CSNK1G1: variants seen among roughly 807,000 people sequenced by gnomAD.
CSNK1G1 encodes the protein casein kinase I isoform gamma-1.
Under a neutral mutation model 59.6 loss-of-function variants are expected in CSNK1G1, and 22 were observed. The observed-to-expected ratio is 0.37, with a 90% CI of 0.26 to 0.53. CSNK1G1 has a LOEUF of 0.53. CSNK1G1 is among the 20% of genes least tolerant of loss of function. The pLI is 0.89. For synonymous variants in CSNK1G1, 179 were observed against 177.1 expected, an observed-to-expected ratio of 1.01 and a Z score of -0.08; for missense variants, 384 against 519.5, an observed-to-expected ratio of 0.74 and a Z score of 2.54.
At chr15:64,172,064 C>CAT (rs913030177) in intron 11 of CSNK1G1, 79 bp from the exon 12 acceptor site, 12 of 1,370,594 alleles carry the variant, frequency 8.8e-6, no homozygotes, top group Non-Finnish European at 1.2e-5. Flanking sequence ...CTGCTTACTG[C>CAT]AGGGGTGGAA....
chr15:64,323,893 T>C (rs896799425), intron 1 of CSNK1G1, among the ~76,000 whole-genome samples: 7 of 152,208 alleles, frequency 4.6e-5, no homozygotes, highest in African/African-American at 1.4e-4. Context: ...ACATGTCACA[T>C]TGTAGAACAG....
intron 4 of CSNK1G1, among the ~76,000 whole-genome samples, chr15:64,230,145 A>ACGGT (rs2082527100): frequency 6.6e-6 from 1 of 151,158 alleles, no homozygotes; most frequent in South Asian, 2.1e-4. Context: ...AGATCACCTG[A>ACGGT]CGCGCTGGGC....
chr15:64,259,316 G>T, intron 2 of CSNK1G1, 75 bp from the exon 3 acceptor site: 1 of 1,041,590 alleles, frequency 9.6e-7, no homozygotes, highest in Non-Finnish European at 1.4e-6. Context: ...TTAGCTTACA[G>T]GGTCATGAGA....
chr15:64,260,060 A>C (rs1249417550), intron 2 of CSNK1G1, among the ~76,000 whole-genome samples: 2 of 152,144 alleles, frequency 1.3e-5, no homozygotes, highest in African/African-American at 4.8e-5. Context: ...CCCCATCCTC[A>C]CTAATCCTTG....
chr15:64,287,227 C>T (rs925051211), intron 2 of CSNK1G1, among the ~76,000 whole-genome samples: 1 of 152,108 alleles, frequency 6.6e-6, no homozygotes. Flanking sequence ...TTTAATTTCT[C>T]TCATCTTTAA....
At chr15:64,309,312 ACACACACAC>A (rs1250573966) in intron 1 of CSNK1G1, among the ~76,000 whole-genome samples, 7 of 3,334 alleles carry the variant, frequency 2.1e-3, no homozygotes, top group Non-Finnish European at 9.0e-3. Flanking sequence ...TGAATAAAAC[ACACACACAC>A]ACACACACAC....
At chr15:64,268,523 T>C (rs4008) in intron 2 of CSNK1G1, among the ~76,000 whole-genome samples, 34,000 of 152,218 alleles carry the variant, frequency 0.22, 5,635 homozygotes, top group East Asian at 0.8. Context: ...AGAGTTTGCA[T>C]GTTCTCCTCA....
intron 10 of CSNK1G1, among the ~76,000 whole-genome samples, chr15:64,192,544 T>A (rs894660098): frequency 6.6e-6 from 1 of 151,844 alleles, no homozygotes; most frequent in Non-Finnish European, 1.5e-5. Flanking sequence ...GGGAAAAAAA[T>A]CTCTCCCAGC....
rs1471784352 is a variant in CSNK1G1 at position 64,286,355 on chromosome 15, AACATGTTATTGTTAACAATATT to A, written c.181+13942_181+13963del. Among the ~76,000 whole-genome samples the A allele has an allele frequency of 1.5e-3, 225 of 152,028 alleles. 1 individual carries two copies. Among genetic ancestry groups the A allele is most frequent in the African/African-American group, 5.3e-3 (219 of 41,430 alleles). On this transcript the variant is annotated intron_variant, in intron 2 of 11. Coordinates refer to ENST00000303052, the MANE Select transcript of CSNK1G1 (RefSeq NM_022048.5). Reference sequence around the variant, plus strand: ...ACATGTTATTGTTAACAATATTGTTAACATGTTATTGTTAACAATATTGTTAACAATATATTGTTAACTCATA... The same window carrying A: ...ACATGTTATTGTTAACAATATTGTTAGTTAACAATATATTGTTAACTCATA...
At chr15:64,218,852 GTTTTT>G (rs11364699) in intron 4 of CSNK1G1, among the ~76,000 whole-genome samples, 1 of 114,098 alleles carries the variant, frequency 8.8e-6, no homozygotes. Context: ...AATTTGAAGT[GTTTTT>G]TTTTTTTTTT....
intron 1 of CSNK1G1, among the ~76,000 whole-genome samples, chr15:64,323,555 G>A (rs945235851): frequency 5.9e-5 from 9 of 151,932 alleles, no homozygotes; most frequent in African/African-American, 2.2e-4. Flanking sequence ...AGTAGACATG[G>A]GGTTTCTCCA....
At chr15:64,249,099 T>C (rs1351883662) in intron 4 of CSNK1G1, among the ~76,000 whole-genome samples, 2 of 152,056 alleles carry the variant, frequency 1.3e-5, no homozygotes, top group Non-Finnish European at 2.9e-5. Context: ...TCCAGCCTGG[T>C]GACATAGCAA....
At chr15:64,324,214 T>C (rs1392745487) in intron 1 of CSNK1G1, among the ~76,000 whole-genome samples, 1 of 152,202 alleles carries the variant, frequency 6.6e-6, no homozygotes, top group African/African-American at 2.4e-5. Context: ...ATGATTGTCC[T>C]GTGCGATGGT....
chr15:64,290,192 T>C (rs1465327003), intron 2 of CSNK1G1, among the ~76,000 whole-genome samples: 1 of 152,140 alleles, frequency 6.6e-6, no homozygotes, highest in African/African-American at 2.4e-5. Context: ...GATCCTGCAA[T>C]CTCACTAATG....
intron 10 of CSNK1G1, among the ~76,000 whole-genome samples, chr15:64,189,865 C>CT (rs1048188432): frequency 6.8e-6 from 1 of 146,884 alleles, no homozygotes; most frequent in Non-Finnish European, 1.5e-5. Context: ...GTCGCCCAGG[C>CT]TGGAGTGCAG....
At chr15:64,219,906 T>C (rs1316601372) in intron 4 of CSNK1G1, among the ~76,000 whole-genome samples, 1 of 151,746 alleles carries the variant, frequency 6.6e-6, no homozygotes, top group Non-Finnish European at 1.5e-5. Context: ...CCCAAGTAGC[T>C]GGGATTACAG....
chr15:64,202,737 A>G (rs1309994605), intron 10 of CSNK1G1, among the ~76,000 whole-genome samples: 1 of 152,046 alleles, frequency 6.6e-6, no homozygotes, highest in African/African-American at 2.4e-5. Context: ...TATTTTATGT[A>G]GAGACAGGGT....
At chr15:64,262,819 C>T (rs1187728946) in intron 2 of CSNK1G1, among the ~76,000 whole-genome samples, 2 of 152,164 alleles carry the variant, frequency 1.3e-5, no homozygotes, top group Non-Finnish European at 2.9e-5. Flanking sequence ...TGGCTCACGC[C>T]TGTAATCCCA....
rs539310533 is a variant in CSNK1G1, at chr15:64,333,165, G to T, written c.-225+22823C>A. 4.2e-5 allele frequency among the ~76,000 whole-genome samples: 6 copies of T among 144,224 alleles called. No homozygotes were observed. In the East Asian group the frequency reaches 1.3e-3, roughly 32 times the overall value. 94.6% of individuals were successfully genotyped at this position (144,224 alleles called of 152,430 possible). A position where few individuals can be genotyped will look rare whatever the true frequency, so the allele number is the denominator to read the frequency against. On this transcript the variant is annotated intron_variant, in intron 1 of 11. Transcript: ENST00000303052. ...CCAGCTACTCGGGAGGCTGAGACAG[G>T]TGAATCACTTGAACCCAGGAGGCCA...
Sources: allele counts gnomAD v4.1 joint callset (sites outside exome capture counted in the v4.1 genomes callset), GRCh38; gene constraint gnomAD v4.1.1; transcripts MANE v1.5; gene names NCBI Gene and HGNC (gene_info 2026-07-23, HGNC 2026-07-21).